The following NEGR1 variants were observed in gnomAD, a reference collection of about 807,000 sequenced individuals.
The protein encoded by NEGR1 is neuronal growth regulator 1.
A neutral mutation model predicts 40.9 loss-of-function variants in NEGR1; 10 were observed. That is an observed-to-expected ratio of 0.24 (90% CI 0.15 to 0.42). The LOEUF (loss-of-function observed/expected upper bound fraction) is 0.42, where lower values mean the gene tolerates loss of function less well. Ranked by LOEUF, NEGR1 falls within the 10% of genes least tolerant of loss-of-function variation. NEGR1 has a pLI of 1.00. For missense variants in NEGR1, 352 were observed against 438.9 expected, an observed-to-expected ratio of 0.80 and a Z score of 1.77; for synonymous variants, 185 against 166.8, an observed-to-expected ratio of 1.11 and a Z score of -0.84.
chr1:72,276,611 A>C (rs1480599799), intron 1 of NEGR1, among the ~76,000 whole-genome samples: 1 of 152,122 alleles, frequency 6.6e-6, no homozygotes, highest in East Asian at 1.9e-4. Context: ...TGGATTATAA[A>C]GCCTCTTCTT....
At chr1:72,074,542 A>G (rs1647633671) in intron 1 of NEGR1, among the ~76,000 whole-genome samples, 1 of 152,016 alleles carries the variant, frequency 6.6e-6, no homozygotes, top group South Asian at 2.1e-4. Context: ...GACTTTTGCT[A>G]TACTCCTACT....
intron 1 of NEGR1, among the ~76,000 whole-genome samples, chr1:72,146,909 G>A (rs1353799578): frequency 6.6e-6 from 1 of 152,058 alleles, no homozygotes. Flanking sequence ...GAAATTTTGG[G>A]GAAGGTTGCA....
chr1:71,965,390 A>C (rs974142332), intron 1 of NEGR1, among the ~76,000 whole-genome samples: 2 of 152,124 alleles, frequency 1.3e-5, no homozygotes, highest in African/African-American at 4.8e-5. Context: ...TAAACACTAC[A>C]CTATGCTTAG....
chr1:71,963,404 G>A lies in NEGR1; in HGVS notation c.177-28093C>T, dbSNP rs1227147316. Among the ~76,000 whole-genome samples, 4 of 152,124 alleles carry A rather than the reference G, an allele frequency of 2.6e-5. 1 individual carries two copies. Among genetic ancestry groups the A allele is most frequent in the Non-Finnish European group, 5.9e-5 (4 of 68,006 alleles). ...TACTATTCACGTCTTTTAGGTGGAG[G>A]TTGGTTGGTCTTTTCCCAGTATTTC... is the stretch of plus-strand genomic sequence containing the variant. On this transcript the variant is annotated intron_variant, in intron 1 of 6. Transcript: ENST00000357731.
chr1:72,047,513 A>T (rs571010590), intron 1 of NEGR1, among the ~76,000 whole-genome samples: 304 of 151,538 alleles, frequency 2.0e-3, no homozygotes, highest in African/African-American at 7.0e-3. Context: ...TGCATCAGAT[A>T]CTAGTAAACA....
At chr1:71,706,734 G>GACA (rs1197157170) in intron 3 of NEGR1, among the ~76,000 whole-genome samples, 1 of 151,746 alleles carries the variant, frequency 6.6e-6, no homozygotes, top group African/African-American at 2.4e-5. Flanking sequence ...GACATTTCTA[G>GACA]ACACACCCTG....
intron 6 of NEGR1, among the ~76,000 whole-genome samples, chr1:71,479,277 G>A (rs1316867220): frequency 6.6e-6 from 1 of 151,862 alleles, no homozygotes; most frequent in Non-Finnish European, 1.5e-5. Context: ...GCCTGGATTC[G>A]TTTCCTACTG....
At chr1:71,420,980 T>C (rs1166180908) in intron 6 of NEGR1, among the ~76,000 whole-genome samples, 1 of 152,030 alleles carries the variant, frequency 6.6e-6, no homozygotes, top group Non-Finnish European at 1.5e-5. Flanking sequence ...CTGAAAGTAA[T>C]ATAATTAATT....
At chr1:72,097,943 C>G (rs1438698731) in intron 1 of NEGR1, among the ~76,000 whole-genome samples, 1 of 152,166 alleles carries the variant, frequency 6.6e-6, no homozygotes, top group Admixed American at 6.5e-5. Flanking sequence ...TCTGTGTGCC[C>G]TTTGCATTGG....
At chr1:71,550,196 A>G (rs1557563248) in intron 6 of NEGR1, among the ~76,000 whole-genome samples, 1 of 151,546 alleles carries the variant, frequency 6.6e-6, no homozygotes, top group East Asian at 2.0e-4. Context: ...GGAGCCCCCA[A>G]GTTCAGCACA....
At chr1:71,898,900 TATATATATATTGC>T (rs1661051663) in intron 2 of NEGR1, among the ~76,000 whole-genome samples, 1 of 135,976 alleles carries the variant, frequency 7.4e-6, no homozygotes, top group African/African-American at 2.8e-5. Flanking sequence ...ATATTGCAAA[TATATATATATTGC>T]AAATATATAT....
At chr1:71,769,401 T>C (rs1229290158) in intron 3 of NEGR1, among the ~76,000 whole-genome samples, 1 of 152,166 alleles carries the variant, frequency 6.6e-6, no homozygotes, top group Admixed American at 6.6e-5. Flanking sequence ...TTACAAATTC[T>C]ATCTGGTTAA....
intron 6 of NEGR1, among the ~76,000 whole-genome samples, chr1:71,499,701 T>C (rs971176951): frequency 2.0e-5 from 3 of 151,852 alleles, no homozygotes; most frequent in Admixed American, 2.0e-4. Flanking sequence ...CTTCTTAACC[T>C]TTGCAGTAGA....
rs1174669421 is a variant in NEGR1, at chr1:71,780,080, A to C, written c.410-3783T>G. ...AAAAAAAAAAAAAAAAAGAAAAAAA[A>C]TAGAGGAGAGTTAAAAATAATGTAC... On this transcript the variant is annotated intron_variant, in intron 2 of 6. Coordinates refer to ENST00000357731, the MANE Select transcript of NEGR1 (RefSeq NM_173808.3). Among the ~76,000 whole-genome samples the C allele has an allele frequency of 2.2e-5, 3 of 139,200 alleles. No homozygotes were observed. In the Admixed American group the frequency reaches 2.2e-4, roughly 10 times the overall value. The allele number at this position is 139,200 out of a possible 152,430, so 91.3% of individuals were successfully genotyped here.
chr1:71,968,041 G>A (rs1557460303), intron 1 of NEGR1, among the ~76,000 whole-genome samples: 1 of 152,192 alleles, frequency 6.6e-6, no homozygotes, highest in Non-Finnish European at 1.5e-5. Flanking sequence ...GCTTCAAGAA[G>A]CCATATGAAT....
rs1646260561 is a variant in NEGR1, at chr1:71,403,896, C to G, written c.*3550G>C. ...AGAATCTTAAGGCATACCATTTATT[C>G]ATATTCATATCTATTGAAATACTGT... On this transcript the variant is annotated 3_prime_UTR_variant, in exon 7 of 7. Transcript: ENST00000357731. 2.6e-6 allele frequency: 1 copy of G among 381,194 alleles called. No homozygotes were observed. Among genetic ancestry groups the G allele is most frequent in the African/African-American group, 2.1e-5 (1 of 48,174 alleles). The allele number at this position is 381,194 out of a possible 1,614,324, so 23.6% of individuals were successfully genotyped here.
chr1:71,695,658 C>G (rs1653452416), intron 4 of NEGR1, among the ~76,000 whole-genome samples: 2 of 151,798 alleles, frequency 1.3e-5, no homozygotes, highest in African/African-American at 4.8e-5. Context: ...GGCTCTACCT[C>G]AAATGTTCCA....
In NEGR1 at chr1:71,764,218, G is replaced by T. The variant is rs1656044512; in HGVS notation, c.535+11954C>A. ...TTTGTCAATTGAATAAAATGACAAA[G>T]ATATTCCTAGTAGAAGAAACAACAT... On this transcript the variant is annotated intron_variant, in intron 3 of 6. Transcript: ENST00000357731. Among the ~76,000 whole-genome samples the T allele has an allele frequency of 3.9e-5, 6 of 152,120 alleles. 1 individual carries two copies. In the South Asian group the frequency reaches 1.2e-3, roughly 31 times the overall value.
At chr1:71,510,933 A>G (rs1647068969) in intron 6 of NEGR1, among the ~76,000 whole-genome samples, 1 of 152,230 alleles carries the variant, frequency 6.6e-6, no homozygotes, top group Non-Finnish European at 1.5e-5. Flanking sequence ...CATTGAGTGT[A>G]CTCATAGTTT....
Sources: allele counts gnomAD v4.1 joint callset (sites outside exome capture counted in the v4.1 genomes callset), GRCh38; gene constraint gnomAD v4.1.1; transcripts MANE v1.5; gene names NCBI Gene and HGNC (gene_info 2026-07-23, HGNC 2026-07-21).